Variants in LRTM3 observed in about 807,000 individuals in gnomAD.
LRTM3 encodes the protein leucine-rich repeat transmembrane protein 3.
At chr13:102,733,805 A>T in the LRTM3 span, 1 of 1,551,428 alleles carries the variant, frequency 6.4e-7, no homozygotes, top group Non-Finnish European at 8.7e-7. Context: ...GACGCTGATC[A>T]TGAAGTTTGA....
chr13:102,732,164 G>A, the LRTM3 span: 1 of 1,551,290 alleles, frequency 6.4e-7, no homozygotes, highest in African/African-American at 1.4e-5. Flanking sequence ...AGTGTTTGGT[G>A]ATTTTTCCTG....
the LRTM3 span, chr13:102,747,528 AC>A: frequency 6.4e-7 from 1 of 1,550,842 alleles, no homozygotes; most frequent in South Asian, 1.2e-5. Flanking sequence ...TTATTGAAAG[AC>A]CCCAGGGCAA....
the LRTM3 span, chr13:102,745,358 C>T: frequency 6.5e-7 from 1 of 1,550,378 alleles, no homozygotes; most frequent in South Asian, 1.2e-5. Flanking sequence ...TCTTTTTTCT[C>T]TTAGCGTGTC....
At chr13:102,738,844 C>G in the LRTM3 span, 22 of 1,550,248 alleles carry the variant, frequency 1.4e-5, no homozygotes, top group Admixed American at 1.8e-4. Flanking sequence ...CTTTGATGTT[C>G]AACTCTAATT....
At chr13:102,755,888 T>C in the LRTM3 span, among the ~76,000 whole-genome samples, 2 of 142,508 alleles carry the variant, frequency 1.4e-5, 1 homozygote, top group African/African-American at 5.0e-5. Flanking sequence ...TATATATATG[T>C]ATACACATAT....
At chr13:102,733,949 G>T in the LRTM3 span, 1 of 1,551,268 alleles carries the variant, frequency 6.4e-7, no homozygotes, top group Admixed American at 2.0e-5. Context: ...AGTTCGCTGT[G>T]GACAAGATGA....
At chr13:102,736,430 T>C in the LRTM3 span, 1 of 1,551,158 alleles carries the variant, frequency 6.4e-7, no homozygotes, top group Non-Finnish European at 8.7e-7. Flanking sequence ...GTCTTCTTTC[T>C]GTGGAAGGAG....
At chr13:102,757,686 A>G in the LRTM3 span, among the ~76,000 whole-genome samples, 1 of 152,196 alleles carries the variant, frequency 6.6e-6, no homozygotes, top group Admixed American at 6.6e-5. Flanking sequence ...GCTCCAGGAT[A>G]ACATTCTTCG....
At chr13:102,731,395 C>T in the LRTM3 span, 1 of 1,551,448 alleles carries the variant, frequency 6.4e-7, no homozygotes. Flanking sequence ...TCCTTGCCAT[C>T]TCTGGTATCA....
the LRTM3 span, chr13:102,750,499 AGATAAATTG>A: frequency 7.9e-6 from 5 of 630,722 alleles, no homozygotes; most frequent in African/African-American, 9.2e-5. Context: ...ATCAGCATAG[AGATAAATTG>A]GAAAATCATT....
At chr13:102,748,023 C>T in the LRTM3 span, 43 of 1,550,838 alleles carry the variant, frequency 2.8e-5, no homozygotes, top group Non-Finnish European at 3.4e-5. Flanking sequence ...ATGTATTCTG[C>T]GTTCTGTGTT....
At chr13:102,736,025 C>T in the LRTM3 span, 1 of 1,549,450 alleles carries the variant, frequency 6.5e-7, no homozygotes, top group Admixed American at 2.0e-5. Context: ...TCTACCTTCC[C>T]TGCCTTCTAT....
chr13:102,730,227 C>T, the LRTM3 span: 3 of 1,551,202 alleles, frequency 1.9e-6, no homozygotes, highest in African/African-American at 1.4e-5. Context: ...ATTTTGTAGA[C>T]ATTTTCCAAA....
chr13:102,745,698 C>A, the LRTM3 span: 17 of 1,551,112 alleles, frequency 1.1e-5, no homozygotes, highest in Non-Finnish European at 1.4e-5. Flanking sequence ...TCAGTACCAC[C>A]AGCCTGTTCC....
At chr13:102,735,028 G>C in the LRTM3 span, 1 of 1,551,180 alleles carries the variant, frequency 6.4e-7, no homozygotes, top group South Asian at 1.2e-5. Flanking sequence ...ATATTGGTAT[G>C]CTTTCCTCCT....
chr13:102,742,390 G>T, the LRTM3 span: 1 of 1,546,482 alleles, frequency 6.5e-7, no homozygotes, highest in East Asian at 2.4e-5. Flanking sequence ...GATAACTCCA[G>T]ATAGTTCCTG....
chr13:102,757,878 A>G, the LRTM3 span, among the ~76,000 whole-genome samples: 274 of 152,332 alleles, frequency 1.8e-3, no homozygotes, highest in African/African-American at 6.3e-3. Context: ...GGCGTCCACT[A>G]TATTGTAGAT....
chr13:102,744,719 AT>A, the LRTM3 span: 1 of 1,550,510 alleles, frequency 6.4e-7, no homozygotes, highest in Non-Finnish European at 8.7e-7. Flanking sequence ...TTCTGTTAAC[AT>A]TTTTTGAATA....
chr13:102,753,997 C>T, the LRTM3 span, among the ~76,000 whole-genome samples: 1 of 152,028 alleles, frequency 6.6e-6, no homozygotes, highest in East Asian at 1.9e-4. Context: ...GATCACTTGA[C>T]ATCGGAGTTT....
Sources: allele counts gnomAD v4.1 joint callset (sites outside exome capture counted in the v4.1 genomes callset), GRCh38; gene constraint gnomAD v4.1.1; transcripts MANE v1.5; gene names NCBI Gene and HGNC (gene_info 2026-07-23, HGNC 2026-07-21).